The following ERC2 variants were observed in gnomAD, a reference collection of about 807,000 sequenced individuals.
The protein encoded by ERC2 is ERC protein 2.
In ERC2, 42 loss-of-function variants were observed where a neutral mutation model predicts 114.8. The observed-to-expected ratio is 0.37, with a 90% CI of 0.29 to 0.47. The LOEUF (loss-of-function observed/expected upper bound fraction) is 0.47, where lower values mean the gene tolerates loss of function less well. Among genes scored for constraint, ERC2 ranks in the 20% least tolerant of loss-of-function variants. The pLI is 0.99. For missense variants in ERC2, 939 were observed against 1,150.7 expected (o/e 0.82, Z 2.66); for synonymous variants, 454 against 425.5 (o/e 1.07, Z -0.82).
intron 13 of ERC2, among the ~76,000 whole-genome samples, chr3:55,918,656 C>T (rs1341850492): frequency 1.3e-5 from 2 of 151,714 alleles, no homozygotes; most frequent in Non-Finnish European, 2.9e-5. Context: ...GAAACACTGT[C>T]TTAAGAATGC....
intron 14 of ERC2, among the ~76,000 whole-genome samples, chr3:55,759,247 T>C (rs1429874783): frequency 6.6e-6 from 1 of 152,156 alleles, no homozygotes; most frequent in Non-Finnish European, 1.5e-5. Flanking sequence ...TGTGCATTTC[T>C]TCTTGTCATT....
At chr3:56,178,153 T>C (rs570022438) in intron 3 of ERC2, among the ~76,000 whole-genome samples, 170 of 152,316 alleles carry the variant, frequency 1.1e-3, no homozygotes, top group African/African-American at 3.8e-3. Context: ...CTAGAGTCAG[T>C]GGGTTAATCT....
chr3:55,719,440 T>C (rs902075763), intron 15 of ERC2, among the ~76,000 whole-genome samples: 3 of 152,192 alleles, frequency 2.0e-5, no homozygotes, highest in African/African-American at 7.2e-5. Flanking sequence ...CCACTCTGCC[T>C]CTTGCCAAAG....
intron 13 of ERC2, among the ~76,000 whole-genome samples, chr3:55,897,622 C>T (rs980659535): frequency 4.6e-5 from 7 of 152,190 alleles, no homozygotes; most frequent in African/African-American, 1.7e-4. Context: ...CACAGAAGGT[C>T]ACCCTGAGAT....
chr3:55,852,292 A>G (rs894377913), intron 14 of ERC2, among the ~76,000 whole-genome samples: 1 of 152,192 alleles, frequency 6.6e-6, no homozygotes, highest in East Asian at 1.9e-4. Flanking sequence ...AGAATAAACT[A>G]CTAGCTTAGA....
intron 16 of ERC2, among the ~76,000 whole-genome samples, chr3:55,690,824 C>G (rs1244589852): frequency 1.3e-5 from 2 of 152,202 alleles, no homozygotes; most frequent in Non-Finnish European, 2.9e-5. Context: ...CTCATGTGCT[C>G]ACATGCAGGG....
intron 12 of ERC2, among the ~76,000 whole-genome samples, chr3:55,958,048 C>T (rs1351618131): frequency 1.3e-5 from 2 of 152,174 alleles, no homozygotes; most frequent in Non-Finnish European, 2.9e-5. Flanking sequence ...TGTCCCACTT[C>T]CAGGAAGAAT....
intron 2 of ERC2, among the ~76,000 whole-genome samples, chr3:56,379,758 T>A (rs2106702561): frequency 6.6e-6 from 1 of 152,262 alleles, no homozygotes; most frequent in East Asian, 1.9e-4. Context: ...AATCTAGGCT[T>A]GAGATACAGA....
intron 14 of ERC2, among the ~76,000 whole-genome samples, chr3:55,868,107 T>C (rs1159449580): frequency 1.3e-5 from 2 of 152,214 alleles, no homozygotes; most frequent in African/African-American, 4.8e-5. Context: ...TGTACGTTTC[T>C]ACATATTAAA....
intron 2 of ERC2, among the ~76,000 whole-genome samples, chr3:56,334,793 C>T (rs1425894324): frequency 1.3e-5 from 2 of 150,740 alleles, no homozygotes; most frequent in African/African-American, 5.0e-5. Context: ...ATGTAAAAAT[C>T]TATTTATTTG....
intron 17 of ERC2, among the ~76,000 whole-genome samples, chr3:55,624,607 G>C (rs1039972489): frequency 3.3e-5 from 5 of 152,194 alleles, no homozygotes; most frequent in Non-Finnish European, 5.9e-5. Flanking sequence ...CTGACGGCAT[G>C]GGTCTGAGGC....
chr3:56,388,111 T>G (rs780074438), intron 2 of ERC2, among the ~76,000 whole-genome samples: 5 of 152,106 alleles, frequency 3.3e-5, no homozygotes, highest in Admixed American at 6.6e-5. Context: ...AGCACCAACA[T>G]GGGCTAAGGA....
At chr3:56,268,266 A>G (rs1479656806) in intron 3 of ERC2, among the ~76,000 whole-genome samples, 3 of 152,250 alleles carry the variant, frequency 2.0e-5, no homozygotes, top group African/African-American at 7.2e-5. Context: ...GCAATTGGCT[A>G]TACCATATAG....
At chr3:55,843,898 A>G (rs552967395) in intron 14 of ERC2, among the ~76,000 whole-genome samples, 1 of 152,330 alleles carries the variant, frequency 6.6e-6, no homozygotes, top group South Asian at 2.1e-4. Context: ...TAGGGTAACA[A>G]ATGTTTTCTG....
intron 2 of ERC2, among the ~76,000 whole-genome samples, chr3:56,351,566 C>T (rs1443368580): frequency 6.6e-6 from 1 of 152,166 alleles, no homozygotes; most frequent in African/African-American, 2.4e-5. Flanking sequence ...AACTAAGCAG[C>T]TCATTACATG....
chr3:55,521,303 C>A (rs984106059), intron 17 of ERC2, among the ~76,000 whole-genome samples: 9 of 152,336 alleles, frequency 5.9e-5, no homozygotes, highest in African/African-American at 2.2e-4. Flanking sequence ...GGGCAGGAAA[C>A]CACAGATCCA....
intron 1 of ERC2, among the ~76,000 whole-genome samples, chr3:56,447,784 C>T (rs9858744): frequency 0.34 from 51,783 of 151,558 alleles, 9,171 homozygotes; most frequent in Admixed American, 0.48. Flanking sequence ...GCTCTGCCAC[C>T]CAGGCTGGAG....
intron 15 of ERC2, among the ~76,000 whole-genome samples, chr3:55,705,844 T>C (rs2063453164): frequency 6.6e-6 from 1 of 152,152 alleles, no homozygotes; most frequent in South Asian, 2.1e-4. Flanking sequence ...TTTTTATACC[T>C]ACTCATTAAG....
chr3:56,351,931 T>C (rs1352205204), intron 2 of ERC2, among the ~76,000 whole-genome samples: 1 of 152,190 alleles, frequency 6.6e-6, no homozygotes, highest in Non-Finnish European at 1.5e-5. Context: ...ATGGGGACTT[T>C]AGGAACTAAG....
Sources: gnomAD v4.1 joint callset for allele counts (sites outside exome capture counted in the v4.1 genomes callset) on GRCh38, gnomAD v4.1.1 for gene constraint, MANE v1.5 for transcripts, NCBI Gene and HGNC (gene_info 2026-07-23, HGNC 2026-07-21) for gene names.